PPM1L: variants seen among roughly 807,000 people sequenced by gnomAD.
PPM1L encodes protein phosphatase 1L.
PPM1L carries 13 observed loss-of-function variants against 31.4 expected under a neutral mutation model. The ratio of observed to expected loss-of-function variants is 0.41; its 90% CI spans 0.27 to 0.66. The LOEUF (loss-of-function observed/expected upper bound fraction) is 0.66. PPM1L is among the 30% of genes least tolerant of loss of function. The pLI is 0.29. For synonymous variants in PPM1L, 184 were observed against 175.4 expected (o/e 1.05, Z -0.39); for missense variants, 326 against 453.7 (o/e 0.72, Z 2.56).
intron 1 of PPM1L, among the ~76,000 whole-genome samples, chr3:160,847,212 G>A (rs927575504): frequency 4.6e-5 from 7 of 152,030 alleles, no homozygotes; most frequent in Non-Finnish European, 1.0e-4. Flanking sequence ...TCATATTAAT[G>A]TTTGAGACTT....
intron 1 of PPM1L, among the ~76,000 whole-genome samples, chr3:160,860,146 G>T (rs557720194): frequency 1.3e-5 from 2 of 152,128 alleles, no homozygotes; most frequent in African/African-American, 4.8e-5. Context: ...TACACATGTG[G>T]ATAGTTTCAG....
At chr3:160,869,962 C>G (rs1268601830) in intron 1 of PPM1L, among the ~76,000 whole-genome samples, 9 of 152,184 alleles carry the variant, frequency 5.9e-5, no homozygotes, top group Admixed American at 4.6e-4. Flanking sequence ...GCTGCCCTCA[C>G]TGCTGCTCTT....
intron 1 of PPM1L, among the ~76,000 whole-genome samples, chr3:160,882,662 A>T (rs975499219): frequency 6.6e-6 from 1 of 152,198 alleles, no homozygotes; most frequent in African/African-American, 2.4e-5. Context: ...ACTTAAACAG[A>T]TCTCTTTTTG....
chr3:160,930,047 A>T (rs1351709157), intron 1 of PPM1L, among the ~76,000 whole-genome samples: 1 of 152,056 alleles, frequency 6.6e-6, no homozygotes, highest in Non-Finnish European at 1.5e-5. Context: ...GAGAAGGGGG[A>T]CACTGTGCTC....
At chr3:161,053,715 G>A (rs563612194) in intron 2 of PPM1L, among the ~76,000 whole-genome samples, 1 of 152,134 alleles carries the variant, frequency 6.6e-6, no homozygotes, top group African/African-American at 2.4e-5. Context: ...TGTGGAAAAG[G>A]TCTTTCTGGC....
At chr3:160,786,452 G>A (rs1196826506) in intron 1 of PPM1L, among the ~76,000 whole-genome samples, 5 of 150,416 alleles carry the variant, frequency 3.3e-5, no homozygotes, top group South Asian at 2.1e-4. Context: ...TCCTGACCTC[G>A]GGTTATCCAC....
intron 1 of PPM1L, among the ~76,000 whole-genome samples, chr3:160,773,416 C>T (rs144249205): frequency 9.1e-4 from 138 of 152,048 alleles, no homozygotes; most frequent in African/African-American, 3.3e-3. Flanking sequence ...GGGTGATTGG[C>T]CTGACTCTCT....
At chr3:160,785,350 A>G (rs1488152935) in intron 1 of PPM1L, among the ~76,000 whole-genome samples, 1 of 152,172 alleles carries the variant, frequency 6.6e-6, no homozygotes, top group African/African-American at 2.4e-5. Flanking sequence ...AAAAAGAAAG[A>G]TTGATTTTGT....
chr3:160,829,470 G>A (rs1484983529), intron 1 of PPM1L, among the ~76,000 whole-genome samples: 1 of 152,120 alleles, frequency 6.6e-6, no homozygotes, highest in Admixed American at 6.6e-5. Context: ...TTAAAACAAA[G>A]CAAAACTGTG....
rs1341424685 is a variant in PPM1L, at chr3:161,068,849, G to A, written c.775G>A (p.Gly259Arg). The change falls in exon 4 of 4, where the codon GGA (glycine) becomes AGA (arginine). Residue 259 changes from glycine to arginine, a missense_variant. Physicochemically the swap from Gly to Arg is moderately radical, Grantham distance 125. This residue lies in a region of PPM1L where 201 missense variants were observed against 298.2 expected (regional missense o/e 0.67). Transcript: ENST00000498165. ...TTTCAATGGCTCCTGGAGGGTCCAG[G>A]GAATCCTGGCCATGTCTCGGTCCCT... ...ISFNGSWRVQ[G>R]ILAMSRSLGD... is the part of the protein sequence containing the mutation. 6.2e-7 allele frequency: 1 copy of A among 1,613,928 alleles called. No homozygotes were observed. Among genetic ancestry groups the A allele is most frequent in the Admixed American group, 1.7e-5 (1 of 59,998 alleles).
intron 1 of PPM1L, among the ~76,000 whole-genome samples, chr3:160,879,595 C>A (rs1463325212): frequency 6.6e-6 from 1 of 152,124 alleles, no homozygotes; most frequent in East Asian, 1.9e-4. Context: ...AGAATATATA[C>A]ACATGAAAAT....
intron 1 of PPM1L, among the ~76,000 whole-genome samples, chr3:160,812,941 A>G (rs1712854284): frequency 1.3e-5 from 2 of 152,246 alleles, no homozygotes; most frequent in Non-Finnish European, 2.9e-5. Flanking sequence ...TATTATGTAT[A>G]TAGCACTTGT....
chr3:160,784,972 G>T (rs1252205311), intron 1 of PPM1L, among the ~76,000 whole-genome samples: 1 of 152,180 alleles, frequency 6.6e-6, no homozygotes, highest in Non-Finnish European at 1.5e-5. Context: ...CAGTCTATCT[G>T]GCTCTGTGGT....
At chr3:160,901,903 T>C (rs931099380) in intron 1 of PPM1L, among the ~76,000 whole-genome samples, 1 of 152,074 alleles carries the variant, frequency 6.6e-6, no homozygotes, top group African/African-American at 2.4e-5. Flanking sequence ...TATTTGTTTT[T>C]GCGTAAGTTG....
intron 1 of PPM1L, among the ~76,000 whole-genome samples, chr3:160,815,201 A>G (rs55923270): frequency 0.058 from 8,808 of 152,170 alleles, 277 homozygotes; most frequent in African/African-American, 0.076. Flanking sequence ...GGGACTTGAG[A>G]CACATTTGGC....
chr3:160,834,623 G>A (rs1051269403), intron 1 of PPM1L, among the ~76,000 whole-genome samples: 2 of 151,580 alleles, frequency 1.3e-5, no homozygotes, highest in African/African-American at 2.4e-5. Flanking sequence ...ATATAGTTTT[G>A]TCATTTTGAG....
rs146239184 is a variant in PPM1L, at chr3:161,024,293, T to C, written c.575-41110T>C. On this transcript the variant is annotated intron_variant, in intron 2 of 3. Coordinates refer to ENST00000498165, the MANE Select transcript of PPM1L (RefSeq NM_139245.4). ...AAAAAAAAAAAAAAAGATTTTTGGA[T>C]AGTCTTTTGTTTGGCTTTCACATGA... Among the ~76,000 whole-genome samples, 405 of 150,574 alleles carry C rather than the reference T, an allele frequency of 2.7e-3. 7 individuals are homozygous for C. Among genetic ancestry groups the C allele is most frequent in the East Asian group, 0.021 (107 of 5,080 alleles).
At chr3:161,046,348 A>T (rs977703583) in intron 2 of PPM1L, among the ~76,000 whole-genome samples, 3 of 152,204 alleles carry the variant, frequency 2.0e-5, no homozygotes, top group Non-Finnish European at 4.4e-5. Flanking sequence ...GAAAAAATTG[A>T]TAAATTCTTG....
intron 2 of PPM1L, among the ~76,000 whole-genome samples, chr3:161,056,482 A>G (rs1222020566): frequency 6.6e-6 from 1 of 152,172 alleles, no homozygotes; most frequent in Admixed American, 6.5e-5. Context: ...CCTGACTGCA[A>G]CATTTAAATA....
Sources: allele counts gnomAD v4.1 joint callset (sites outside exome capture counted in the v4.1 genomes callset), GRCh38; gene constraint gnomAD v4.1.1; regional missense constraint gnomAD v4.1.1; transcripts MANE v1.5; gene names NCBI Gene and HGNC (gene_info 2026-07-23, HGNC 2026-07-21).